The following UBAP2L variants were observed in gnomAD, a reference collection of about 807,000 sequenced individuals.
The protein encoded by UBAP2L is ubiquitin associated protein 2 like.
A neutral mutation model predicts 130.6 loss-of-function variants in UBAP2L; 12 were observed. The observed-to-expected ratio is 0.09, with a 90% CI of 0.06 to 0.15. The LOEUF (loss-of-function observed/expected upper bound fraction) is 0.15, where lower values mean the gene tolerates loss of function less well. Among genes scored for constraint, UBAP2L ranks in the 10% least tolerant of loss-of-function variants. The pLI is 1.00. For synonymous variants in UBAP2L, 503 were observed against 524.7 expected (o/e 0.96, Z 0.57); for missense variants, 965 against 1,332.5 (o/e 0.72, Z 4.29).
chr1:154,246,739 C>G (rs139195947), intron 11 of UBAP2L, among the ~76,000 whole-genome samples: 21 of 152,270 alleles, frequency 1.4e-4, no homozygotes, highest in African/African-American at 5.1e-4. Context: ...TAGCAGTTCC[C>G]CATTTCTTGA....
At chr1:154,224,994 T>C (rs1286477097) in intron 1 of UBAP2L, 90 bp from the exon 2 acceptor site, 1 of 718,014 alleles carries the variant, frequency 1.4e-6, no homozygotes, top group Admixed American at 2.6e-5. Context: ...TTTGAAGAAG[T>C]GAAAGTGTTT....
At chr1:154,260,466 TCA>T (rs1403966962) in intron 22 of UBAP2L, among the ~76,000 whole-genome samples, 1 of 152,258 alleles carries the variant, frequency 6.6e-6, no homozygotes, top group African/African-American at 2.4e-5. Flanking sequence ...AGTGGCAATC[TCA>T]CTGCCTTGCC....
At position 154,247,116 on chromosome 1, in the gene UBAP2L, T is replaced by A. The variant is rs114553286; in HGVS notation, c.1014+741T>A. On this transcript the variant is annotated intron_variant, in intron 11 of 26. Coordinates refer to ENST00000428931, the MANE Select transcript of UBAP2L (RefSeq NM_014847.4). ...CTTTTTCTTTTTTTCTCTTTTTCTC[T>A]CCTATTTTTTGATGGAGGGATACTA... Among the ~76,000 whole-genome samples, 633 of 152,316 alleles carry A rather than the reference T, an allele frequency of 4.2e-3. 4 individuals carry two copies. Among genetic ancestry groups the A allele is most frequent in the African/African-American group, 0.015 (609 of 41,564 alleles).
At chr1:154,239,301 C>T (rs1672714568) in intron 8 of UBAP2L, among the ~76,000 whole-genome samples, 1 of 151,840 alleles carries the variant, frequency 6.6e-6, no homozygotes, top group Non-Finnish European at 1.5e-5. Context: ...AAATTATCCC[C>T]CAAAATTATC....
chr1:154,255,054 C>G, intron 16 of UBAP2L, 98 bp from the exon 17 acceptor site: 1 of 1,447,666 alleles, frequency 6.9e-7, no homozygotes, highest in Non-Finnish European at 9.4e-7. Context: ...TTAAATAACT[C>G]ATCCTTTTGT....
intron 15 of UBAP2L, 21 bp from the exon 16 acceptor site, chr1:154,254,815 T>C: frequency 6.5e-7 from 1 of 1,531,990 alleles, no homozygotes; most frequent in Non-Finnish European, 8.7e-7. Flanking sequence ...CTTGCTCTTC[T>C]GTTTTTTTTT....
intron 9 of UBAP2L, chr1:154,241,912 T>C (rs565460332): frequency 3.3e-5 from 9 of 271,724 alleles, no homozygotes; most frequent in Non-Finnish European, 5.1e-5. Flanking sequence ...TGGTGGTACA[T>C]GACTACTTGG....
intron 11 of UBAP2L, 75 bp downstream of exon 11, chr1:154,246,450 G>A: frequency 6.7e-7 from 1 of 1,493,596 alleles, no homozygotes; most frequent in Non-Finnish European, 9.0e-7. Flanking sequence ...TCCTTCCAAA[G>A]ACAGTCAGGT....
chr1:154,245,418 A>G (rs1408589121), intron 10 of UBAP2L, among the ~76,000 whole-genome samples: 2 of 152,282 alleles, frequency 1.3e-5, no homozygotes, highest in Admixed American at 6.5e-5. Context: ...ATATTATACC[A>G]CAGGTAACTT....
intron 11 of UBAP2L, among the ~76,000 whole-genome samples, chr1:154,246,594 T>A (rs992484877): frequency 2.0e-5 from 3 of 152,170 alleles, no homozygotes; most frequent in Admixed American, 2.0e-4. Flanking sequence ...AAGAATAAGT[T>A]AACATTATTT....
intron 24 of UBAP2L, among the ~76,000 whole-genome samples, chr1:154,262,555 A>C (rs1340759331): frequency 6.6e-6 from 1 of 152,130 alleles, no homozygotes; most frequent in Admixed American, 6.5e-5. Context: ...GCTCAGTTAC[A>C]GTTTCATGGT....
rs781325879 is a variant in UBAP2L at position 154,246,371 on chromosome 1, G to A, written c.1010G>A (p.Ser337Asn). The A allele has an allele frequency of 2.5e-6, 4 of 1,611,322 alleles. No individual in the cohort carries two copies. The South Asian group carries it at 3.3e-5, about 13-fold the overall frequency. Residue 337 changes from serine to asparagine, a missense_variant, in exon 11 of 27, where the codon AGT becomes AAT. Ser to Asn is a conservative substitution (Grantham distance 46). Transcript: ENST00000428931. ...PASGNTFSHHSMVSMLGKGFG... is the reference protein window; with the variant it reads ...PASGNTFSHHNMVSMLGKGFG... The stretch of plus-strand genomic sequence containing the variant: ...TCAGGGAACACATTTTCTCATCACA[G>A]TATGGTGAGTAGGAAACGTGGTTTA...
Position 154,237,096 on chromosome 1 carries a change from G to C in UBAP2L, c.663G>C (p.Thr221=), listed in dbSNP as rs368773989. The C allele has an allele frequency of 5.6e-6, 9 of 1,614,156 alleles. No homozygotes were observed. The highest frequency in any genetic ancestry group is 7.6e-6 in the Non-Finnish European group (9 of 1,180,022). ...DDNYGNSSGN[T]WNNTGHFEPD... ...ACTATGGCAATAGCAGCGGCAATAC[G>C]TGGAACAACACTGGCCACTTTGAAC... Residue 221 remains threonine, a synonymous_variant, in exon 8 of 27, where the codon ACG becomes ACC. Coordinates refer to ENST00000428931, the MANE Select transcript of UBAP2L (RefSeq NM_014847.4).
Position 154,235,378 on chromosome 1 carries a change from G to A in UBAP2L, c.544+87G>A, listed in dbSNP as rs183351570. The stretch of plus-strand genomic sequence containing the variant: ...GCTTTATTTTTTTTTTTTATTGGAG[G>A]TAGTCTCACTCTCACCCAGGCCGGA... On this transcript the variant is annotated intron_variant, in intron 6 of 26. Transcript: ENST00000428931. 383 of 628,424 alleles carry A rather than the reference G, an allele frequency of 6.1e-4. 2 individuals are homozygous for A. In the African/African-American group the frequency reaches 6.6e-3, roughly 11 times the overall value. 38.9% of individuals were successfully genotyped at this position (628,424 alleles called of 1,614,324 possible).
chr1:154,255,601 T>A, intron 17 of UBAP2L, 82 bp from the exon 18 acceptor site: 1 of 1,490,614 alleles, frequency 6.7e-7, no homozygotes, highest in East Asian at 2.3e-5. Flanking sequence ...TATGTCTTAT[T>A]TCCTTGTTAT....
chr1:154,251,710 C>T (rs931830154), intron 14 of UBAP2L, 57 bp downstream of exon 14: 2 of 1,592,260 alleles, frequency 1.3e-6, no homozygotes, highest in Non-Finnish European at 1.7e-6. Context: ...CTTTTTTAAT[C>T]TGTGGGAGAT....
chr1:154,248,441 A>G (rs1676340837), intron 11 of UBAP2L, among the ~76,000 whole-genome samples: 1 of 151,994 alleles, frequency 6.6e-6, no homozygotes, highest in Non-Finnish European at 1.5e-5. Context: ...GTTTCTTTTG[A>G]GTTTTTTTAA....
chr1:154,270,644 A>G lies in UBAP2L; in HGVS notation c.*349A>G. On this transcript the variant is annotated 3_prime_UTR_variant, in exon 27 of 27. Coordinates refer to ENST00000428931, the MANE Select transcript of UBAP2L (RefSeq NM_014847.4). ...GGGGAGGTGGGACCCCCAAACATATATCAGCCCAACAGCCCTAAGTCTCCT... is the reference window on the plus strand; with the variant it reads ...GGGGAGGTGGGACCCCCAAACATATGTCAGCCCAACAGCCCTAAGTCTCCT... 7.1e-7 allele frequency: 1 copy of G among 1,409,582 alleles called. No individual in the cohort carries two copies. Among genetic ancestry groups the G allele is most frequent in the South Asian group, 1.6e-5 (1 of 61,578 alleles). The allele number at this position is 1,409,582 out of a possible 1,614,324, so 87.3% of individuals were successfully genotyped here.
At chr1:154,271,032 C>T, downstream of UBAP2L, 1 of 1,317,550 alleles carries the variant, frequency 7.6e-7, no homozygotes, top group Non-Finnish European at 1.0e-6. Flanking sequence ...GTATCTTGTC[C>T]TTGAGGGGAT....
Sources: allele counts gnomAD v4.1 joint callset (sites outside exome capture counted in the v4.1 genomes callset), GRCh38; gene constraint gnomAD v4.1.1; transcripts MANE v1.5; gene names NCBI Gene and HGNC (gene_info 2026-07-23, HGNC 2026-07-21).